CAST: variants seen among roughly 807,000 people sequenced by gnomAD.
The protein encoded by CAST is MIR583 host.
In CAST, 76 loss-of-function variants were observed where a neutral mutation model predicts 119.6. The ratio of observed to expected loss-of-function variants is 0.64; its 90% CI spans 0.53 to 0.77. The LOEUF is 0.77. Ranked by LOEUF, CAST falls within the 30% of genes least tolerant of loss-of-function variation. CAST has a pLI of 0.00. For synonymous variants in CAST, 319 were observed against 331.6 expected, an observed-to-expected ratio of 0.96 and a Z score of 0.41; for missense variants, 953 against 946.5, an observed-to-expected ratio of 1.01 and a Z score of -0.09.
chr5:96,709,721 C>A (rs984516299), intron 3 of CAST, among the ~76,000 whole-genome samples: 2 of 152,208 alleles, frequency 1.3e-5, no homozygotes, highest in Admixed American at 6.5e-5. Context: ...TCACTCTACA[C>A]ATGTTTTCAT....
At chr5:96,694,935 G>C (rs563299888) in intron 2 of CAST, among the ~76,000 whole-genome samples, 4 of 152,042 alleles carry the variant, frequency 2.6e-5, no homozygotes, top group Admixed American at 6.5e-5. Context: ...ACTTTTCTTC[G>C]TATAAAATAT....
the CAST span, among the ~76,000 whole-genome samples, chr5:96,325,478 T>A: frequency 2.7e-4 from 41 of 151,126 alleles, 1 homozygote; most frequent in African/African-American, 8.9e-4. Context: ...TTATTTATTT[T>A]ATTTATTTAT....
intron 11 of CAST, 37 bp downstream of exon 11, chr5:96,737,984 G>C (rs748591694): frequency 1.7e-6 from 2 of 1,183,188 alleles, no homozygotes; most frequent in African/African-American, 3.0e-5. Context: ...TTCATACTCA[G>C]TGGGTAGGAG....
chr5:96,476,116 T>C, the CAST span, among the ~76,000 whole-genome samples: 11 of 152,296 alleles, frequency 7.2e-5, no homozygotes, highest in African/African-American at 2.6e-4. Context: ...TAGAAGAAAC[T>C]GAAAAGCTAT....
the CAST span, among the ~76,000 whole-genome samples, chr5:96,383,618 T>A: frequency 6.0e-3 from 908 of 152,272 alleles, 9 homozygotes; most frequent in African/African-American, 0.02. Context: ...GCTAATTTTT[T>A]TGTATTTTTA....
At chr5:96,607,571 T>C (rs1048642905) in intron 1 of CAST, among the ~76,000 whole-genome samples, 1 of 152,250 alleles carries the variant, frequency 6.6e-6, no homozygotes, top group Non-Finnish European at 1.5e-5. Context: ...TAATATGATA[T>C]AACTACCTCT....
chr5:96,156,635 A>G, the CAST span, among the ~76,000 whole-genome samples: 91 of 152,356 alleles, frequency 6.0e-4, no homozygotes, highest in East Asian at 0.014. Flanking sequence ...GGGAGAAATA[A>G]TTAAGCATGT....
At chr5:96,412,934 GACCC>G in the CAST span, 1 of 808,166 alleles carries the variant, frequency 1.2e-6, no homozygotes, top group Non-Finnish European at 1.5e-6. Flanking sequence ...CTTTCAGAAA[GACCC>G]TCCAAGCAGC....
chr5:96,444,887 G>C, the CAST span, among the ~76,000 whole-genome samples: 1 of 152,110 alleles, frequency 6.6e-6, no homozygotes, highest in South Asian at 2.1e-4. Context: ...CTAGATCACA[G>C]TTGAGAGCGA....
At chr5:96,162,510 C>A in the CAST span, among the ~76,000 whole-genome samples, 1 of 152,078 alleles carries the variant, frequency 6.6e-6, no homozygotes, top group Non-Finnish European at 1.5e-5. Context: ...TTCTGCCTCC[C>A]GGGTTCAAGC....
the CAST span, among the ~76,000 whole-genome samples, chr5:96,478,181 A>G: frequency 6.6e-6 from 1 of 152,192 alleles, no homozygotes; most frequent in African/African-American, 2.4e-5. Context: ...TCCTTTCCTC[A>G]TACCTTTAAA....
In CAST at chr5:96,773,654, A is replaced by C. The variant is rs1351282543; in HGVS notation, c.*1038A>C. The C allele has an allele frequency of 6.6e-6, 1 of 152,210 alleles. No individual in the cohort carries two copies. Among genetic ancestry groups the C allele is most frequent in the Non-Finnish European group, 1.5e-5 (1 of 68,020 alleles). 9.4% of individuals were successfully genotyped at this position (152,210 alleles called of 1,614,324 possible). ...GCATTTCTCCCACAGCAATGTAAGA[A>C]GTAGGCTCTGATGTCCTACCACTTT... On this transcript the variant is annotated 3_prime_UTR_variant, in exon 32 of 32. Transcript: ENST00000675179.
chr5:96,260,670 C>A, the CAST span, among the ~76,000 whole-genome samples: 26 of 152,304 alleles, frequency 1.7e-4, no homozygotes, highest in East Asian at 5.0e-3. Context: ...AAATCATGAT[C>A]TGAACCAGTG....
At chr5:96,410,199 C>T in the CAST span, among the ~76,000 whole-genome samples, 8 of 152,062 alleles carry the variant, frequency 5.3e-5, no homozygotes, top group South Asian at 2.1e-4. Context: ...GAAGCAAAGG[C>T]GCAGGCAAGC....
At chr5:96,113,856 C>T in the CAST span, among the ~76,000 whole-genome samples, 2 of 152,216 alleles carry the variant, frequency 1.3e-5, no homozygotes, top group African/African-American at 4.8e-5. Flanking sequence ...CTGTTAGTTT[C>T]GTTATGTTAT....
the CAST span, among the ~76,000 whole-genome samples, chr5:96,212,905 G>A: frequency 2.0e-5 from 3 of 152,028 alleles, no homozygotes; most frequent in Admixed American, 1.3e-4. Flanking sequence ...ACTGCTTGAG[G>A]CCAGGTATTT....
the CAST span, among the ~76,000 whole-genome samples, chr5:96,026,301 T>C: frequency 1.3e-5 from 2 of 152,146 alleles, no homozygotes; most frequent in Non-Finnish European, 2.9e-5. Flanking sequence ...GGGACAGTGA[T>C]TTTGATGTGC....
the CAST span, among the ~76,000 whole-genome samples, chr5:96,205,374 A>C: frequency 6.6e-6 from 1 of 152,008 alleles, no homozygotes; most frequent in Non-Finnish European, 1.5e-5. Context: ...CTGTAGATAA[A>C]TTGTGTGTTA....
the CAST span, among the ~76,000 whole-genome samples, chr5:95,978,839 A>G: frequency 6.6e-6 from 1 of 152,196 alleles, no homozygotes; most frequent in African/African-American, 2.4e-5. Context: ...CAGGATACAT[A>G]TGCTGATGTA....
Sources: allele counts gnomAD v4.1 joint callset (sites outside exome capture counted in the v4.1 genomes callset), GRCh38; gene constraint gnomAD v4.1.1; transcripts MANE v1.5; gene names NCBI Gene and HGNC (gene_info 2026-07-23, HGNC 2026-07-21).